The following SREBF2 variants were observed in gnomAD, a reference collection of about 807,000 sequenced individuals.
SREBF2 encodes sterol regulatory element-binding protein 2.
SREBF2 carries 55 observed loss-of-function variants against 113.1 expected under a neutral mutation model. The observed-to-expected ratio is 0.49, with a 90% CI of 0.39 to 0.61. The LOEUF is 0.61. SREBF2 is among the 20% of genes least tolerant of loss of function. The probability of loss-of-function intolerance (pLI) is 0.00; values close to 1 mark genes in which losing one functional copy is unlikely to be tolerated. For missense variants in SREBF2, 1,349 were observed against 1,487.4 expected, an observed-to-expected ratio of 0.91 and a Z score of 1.53; for synonymous variants, 593 against 605.7, an observed-to-expected ratio of 0.98 and a Z score of 0.31.
chr22:41,881,462 A>G (rs1331231389), intron 10 of SREBF2, among the ~76,000 whole-genome samples: 3 of 152,172 alleles, frequency 2.0e-5, no homozygotes, highest in Non-Finnish European at 4.4e-5. Flanking sequence ...GGGAGTGGGT[A>G]CCCGTTTGGA....
chr22:41,904,425 C>T (rs1271797894), intron 17 of SREBF2: 2 of 332,868 alleles, frequency 6.0e-6, no homozygotes, highest in African/African-American at 4.5e-5. Flanking sequence ...TCTAGACTCT[C>T]TTCCTTTCTA....
chr22:41,841,332 A>C (rs1371359037), intron 1 of SREBF2, among the ~76,000 whole-genome samples: 1 of 152,220 alleles, frequency 6.6e-6, no homozygotes, highest in Non-Finnish European at 1.5e-5. Context: ...AGGGTTGCTA[A>C]CGTTTGGGTT....
At chr22:41,861,964 T>C (rs922046830) in intron 1 of SREBF2, among the ~76,000 whole-genome samples, 3 of 151,496 alleles carry the variant, frequency 2.0e-5, no homozygotes, top group African/African-American at 7.3e-5. Context: ...ACAAGGTGCA[T>C]AATAAATACA....
chr22:41,890,164 C>G (rs1322505978), intron 11 of SREBF2, among the ~76,000 whole-genome samples: 1 of 152,160 alleles, frequency 6.6e-6, no homozygotes, highest in Admixed American at 6.6e-5. Context: ...GTCACTGTTT[C>G]TTACCAATAC....
At chr22:41,847,917 A>ATTT (rs200150368) in intron 1 of SREBF2, among the ~76,000 whole-genome samples, 1 of 83,120 alleles carries the variant, frequency 1.2e-5, no homozygotes, top group African/African-American at 4.1e-5. Context: ...CATTATTATT[A>ATTT]TTATTTTTTT....
rs2077518447 is a variant in SREBF2, at chr22:41,907,303, C to T, written c.*1643C>T. 1 of 152,212 alleles carries T rather than the reference C, an allele frequency of 6.6e-6. No homozygotes were observed. Among genetic ancestry groups the T allele is most frequent in the African/African-American group, 2.4e-5 (1 of 41,424 alleles). 9.4% of individuals were successfully genotyped at this position (152,212 alleles called of 1,614,324 possible). ...TTCAATAAACACAGATTGGTACCAC[C>T]CAGCACGAGGTGTGTGAGGGTCTGT... On this transcript the variant is annotated 3_prime_UTR_variant, in exon 19 of 19. Transcript: ENST00000361204.
chr22:41,869,893 G>A (rs1466710779), intron 3 of SREBF2, among the ~76,000 whole-genome samples: 3 of 148,072 alleles, frequency 2.0e-5, no homozygotes, highest in Non-Finnish European at 4.5e-5. Flanking sequence ...TTGCTCTGTC[G>A]CCCAGGCTGG....
At chr22:41,888,420 C>T (rs763225608) in intron 11 of SREBF2, among the ~76,000 whole-genome samples, 1 of 152,180 alleles carries the variant, frequency 6.6e-6, no homozygotes, top group Non-Finnish European at 1.5e-5. Flanking sequence ...CCAAGTGGCA[C>T]CTTTTTTTCA....
At chr22:41,865,003 T>C (rs541248285) in intron 1 of SREBF2, among the ~76,000 whole-genome samples, 4 of 152,114 alleles carry the variant, frequency 2.6e-5, no homozygotes, top group Non-Finnish European at 5.9e-5. Flanking sequence ...GTTCTCAAAC[T>C]CCTGACCTCA....
At position 41,905,818 on chromosome 22, in the gene SREBF2, C is replaced by A; in HGVS notation, c.*158C>A. The A allele has an allele frequency of 1.2e-6, 1 of 846,294 alleles. No individual in the cohort carries two copies. Among genetic ancestry groups the A allele is most frequent in the Non-Finnish European group, 2.0e-6 (1 of 509,266 alleles). The allele number at this position is 846,294 out of a possible 1,614,324, so 52.4% of individuals were successfully genotyped here. On this transcript the variant is annotated 3_prime_UTR_variant, in exon 19 of 19. Coordinates refer to ENST00000361204, the MANE Select transcript of SREBF2 (RefSeq NM_004599.4). Reference sequence around the variant, plus strand: ...GGCCAGTGCACCCCTGGGCAGAGCCCCTTAAAGCTGCTGTCACTAGATGCC... The same window carrying A: ...GGCCAGTGCACCCCTGGGCAGAGCCACTTAAAGCTGCTGTCACTAGATGCC...
rs368986032 is a variant in SREBF2, at chr22:41,875,375, C to T, written c.1128C>T (p.Tyr376=). 68 of 1,613,998 alleles carry T rather than the reference C, an allele frequency of 4.2e-5. No homozygotes were observed. Among genetic ancestry groups the T allele is most frequent in the Non-Finnish European group, 5.3e-5 (62 of 1,179,966 alleles). Reference sequence around the variant, plus strand: ...GCGTTCTGAGGAAGGCCATTGATTACATCAAATACTTGCAGCAGGTCAATC... The same window carrying T: ...GCGTTCTGAGGAAGGCCATTGATTATATCAAATACTTGCAGCAGGTCAATC... ...KSGVLRKAID[Y]IKYLQQVNHK... The change falls in exon 6 of 19, where the codon TAC becomes TAT. Residue 376 remains tyrosine, a synonymous_variant. Coordinates refer to ENST00000361204, the MANE Select transcript of SREBF2 (RefSeq NM_004599.4).
chr22:41,900,543 G>A, intron 16 of SREBF2, 45 bp downstream of exon 16: 2 of 1,592,216 alleles, frequency 1.3e-6, no homozygotes, highest in Non-Finnish European at 8.6e-7. Flanking sequence ...GCTCTGCACT[G>A]GTTTACGAGA....
intron 1 of SREBF2, among the ~76,000 whole-genome samples, chr22:41,845,100 T>C (rs1370993033): frequency 6.6e-6 from 1 of 151,880 alleles, no homozygotes; most frequent in Non-Finnish European, 1.5e-5. Context: ...CAGGCTAATT[T>C]TTGTATTTTT....
intron 1 of SREBF2, among the ~76,000 whole-genome samples, chr22:41,858,768 AC>A (rs1243729719): frequency 1.3e-5 from 2 of 151,180 alleles, no homozygotes; most frequent in Non-Finnish European, 1.5e-5. Flanking sequence ...CCCAGAACTT[AC>A]TGTGAAATGG....
intron 1 of SREBF2, among the ~76,000 whole-genome samples, chr22:41,852,416 A>G (rs774262186): frequency 6.6e-6 from 1 of 152,080 alleles, no homozygotes; most frequent in African/African-American, 2.4e-5. Flanking sequence ...TAATCGTGAC[A>G]TCTCCATTCA....
rs1602352869 is a variant in SREBF2, at chr22:41,903,058, A to G, written c.2996A>G (p.Glu999Gly). The G allele has an allele frequency of 6.2e-7, 1 of 1,605,690 alleles. No homozygotes were observed. Among genetic ancestry groups the G allele is most frequent in the Admixed American group, 1.7e-5 (1 of 59,270 alleles). Residue 999 changes from glutamate to glycine, a missense_variant, in exon 17 of 19, where the codon GAG becomes GGG. This residue lies in a region of SREBF2 where 650 missense variants were observed against 644.1 expected (regional missense o/e 1.01). Coordinates refer to ENST00000361204, the MANE Select transcript of SREBF2 (RefSeq NM_004599.4). ...KQASASQAVG[E>G]TYHASGAELA... ...GCCAGTGCCAGCCAGGCTGTGGGGGAGACCTACCACGCGTCAGGCGCTGAA... is the reference window on the plus strand; with the variant it reads ...GCCAGTGCCAGCCAGGCTGTGGGGGGGACCTACCACGCGTCAGGCGCTGAA...
intron 12 of SREBF2, 31 bp downstream of exon 12, chr22:41,893,316 G>T: frequency 6.2e-7 from 1 of 1,613,604 alleles, no homozygotes; most frequent in East Asian, 2.2e-5. Flanking sequence ...TTCAGAATTG[G>T]AGAAAGCCAT....
chr22:41,897,133 C>A lies in SREBF2; in HGVS notation c.2577C>A (p.Ser859=). The A allele has an allele frequency of 6.2e-7, 1 of 1,612,048 alleles. No homozygotes were observed. Among genetic ancestry groups the A allele is most frequent in the Non-Finnish European group, 8.5e-7 (1 of 1,179,790 alleles). The change falls in exon 14 of 19, where the codon TCC becomes TCA. Residue 859 remains serine (S), a synonymous_variant. Coordinates refer to ENST00000361204, the MANE Select transcript of SREBF2 (RefSeq NM_004599.4). ...DSVGVMSPPL[S]RSSVLKSALG... is the part of the protein sequence containing the mutation. ...TGGGGGTTATGAGCCCCCCACTCTC[C>A]AGGAGCTCCGTGCTCAAGTCCGCCC...
chr22:41,898,915 A>T, intron 15 of SREBF2, 134 bp downstream of exon 15: 1 of 1,338,696 alleles, frequency 7.5e-7, no homozygotes. Flanking sequence ...CGGCTAGAAA[A>T]GTCGGGGGTG....
Sources: allele counts gnomAD v4.1 joint callset (sites outside exome capture counted in the v4.1 genomes callset), GRCh38; gene constraint gnomAD v4.1.1; regional missense constraint gnomAD v4.1.1; transcripts MANE v1.5; gene names NCBI Gene and HGNC (gene_info 2026-07-23, HGNC 2026-07-21).